Variants in PLPPR1 observed in about 807,000 individuals in gnomAD.
The protein encoded by PLPPR1 is phospholipid phosphatase related 1, also known as phospholipid phosphatase-related protein type 1.
A neutral mutation model predicts 33.1 loss-of-function variants in PLPPR1; 10 were observed. That is an observed-to-expected ratio of 0.30 (90% CI 0.19 to 0.51). The LOEUF is 0.51. Among genes scored for constraint, PLPPR1 ranks in the 20% least tolerant of loss-of-function variants. The pLI is 0.97. For synonymous variants in PLPPR1, 151 were observed against 151.0 expected, an observed-to-expected ratio of 1.00 and a Z score of 0.00; for missense variants, 304 against 408.1, an observed-to-expected ratio of 0.74 and a Z score of 2.20.
In PLPPR1 at chr9:101,138,724, A is replaced by G. The variant is rs116229342; in HGVS notation, c.-45-46726A>G. ...ATCTGTTGCCTGATTTAATGCTCAC[A>G]AAGTGCCTGTGAAGCAGGAATTATC... On this transcript the variant is annotated intron_variant, in intron 1 of 7. Transcript: ENST00000374874. Among the ~76,000 whole-genome samples, 402 of 152,324 alleles carry G rather than the reference A, an allele frequency of 2.6e-3. 2 individuals carry two copies. The highest frequency in any genetic ancestry group is 9.4e-3 in the African/African-American group (392 of 41,590).
intron 4 of PLPPR1, among the ~76,000 whole-genome samples, chr9:101,299,729 C>G (rs949166588): frequency 1.3e-4 from 20 of 152,206 alleles, no homozygotes; most frequent in African/African-American, 4.6e-4. Context: ...AATGCAAATT[C>G]ATGACACTAC....
At position 101,324,091 on chromosome 9, in the gene PLPPR1, T is replaced by G. The variant is rs750315431; in HGVS notation, c.*34T>G. 178 of 1,588,212 alleles carry G rather than the reference T, an allele frequency of 1.1e-4. 2 individuals carry two copies. In the South Asian group the frequency reaches 1.8e-3, roughly 16 times the overall value. On this transcript the variant is annotated 3_prime_UTR_variant, in exon 8 of 8. Coordinates refer to ENST00000374874, the MANE Select transcript of PLPPR1 (RefSeq NM_207299.2). The stretch of plus-strand genomic sequence containing the variant: ...ATGTGTCACAAGCTGTTTTTTAAAA[T>G]CATCTTCCAATTCTATACTTCAAAA...
At chr9:101,277,072 G>C (rs1245431043) in intron 3 of PLPPR1, among the ~76,000 whole-genome samples, 1 of 152,120 alleles carries the variant, frequency 6.6e-6, no homozygotes, top group East Asian at 1.9e-4. Flanking sequence ...TGGCAGTTAG[G>C]GCTAGCAGCA....
chr9:101,208,934 T>A (rs1826636081), intron 2 of PLPPR1, among the ~76,000 whole-genome samples: 2 of 152,192 alleles, frequency 1.3e-5, no homozygotes, highest in Admixed American at 1.3e-4. Flanking sequence ...CTCATTCACT[T>A]ACTGTCATTT....
intron 7 of PLPPR1, among the ~76,000 whole-genome samples, chr9:101,323,117 G>A (rs1829185957): frequency 6.6e-6 from 1 of 152,160 alleles, no homozygotes; most frequent in Non-Finnish European, 1.5e-5. Flanking sequence ...TTAAAAATGT[G>A]CGGGATGCTA....
At chr9:101,155,838 G>A (rs536700118) in intron 1 of PLPPR1, among the ~76,000 whole-genome samples, 47 of 152,290 alleles carry the variant, frequency 3.1e-4, no homozygotes, top group African/African-American at 1.1e-3. Flanking sequence ...GACCTCAAGT[G>A]ATCTGCCTGC....
chr9:101,296,374 T>A (rs1185059875), intron 4 of PLPPR1, among the ~76,000 whole-genome samples: 1 of 151,572 alleles, frequency 6.6e-6, no homozygotes, highest in African/African-American at 2.4e-5. Context: ...GTTCAACCAT[T>A]GTGGAAGTCA....
At chr9:101,214,403 T>C (rs1346363841) in intron 2 of PLPPR1, among the ~76,000 whole-genome samples, 1 of 152,212 alleles carries the variant, frequency 6.6e-6, no homozygotes, top group Non-Finnish European at 1.5e-5. Context: ...ATGTGATAGG[T>C]GTGTAGATAT....
chr9:101,170,533 G>T (rs533914199), intron 1 of PLPPR1, among the ~76,000 whole-genome samples: 1 of 152,296 alleles, frequency 6.6e-6, no homozygotes, highest in South Asian at 2.1e-4. Context: ...TTCAAGATGA[G>T]ATCTGAGTGG....
At chr9:101,178,396 T>C (rs560828665) in intron 1 of PLPPR1, among the ~76,000 whole-genome samples, 1 of 152,340 alleles carries the variant, frequency 6.6e-6, no homozygotes, top group South Asian at 2.1e-4. Flanking sequence ...TCTTCCATCA[T>C]GGAAAGAGCA....
intron 7 of PLPPR1, 95 bp from the exon 8 acceptor site, chr9:101,323,930 G>A: frequency 9.7e-7 from 1 of 1,033,056 alleles, no homozygotes; most frequent in Non-Finnish European, 1.5e-6. Context: ...GTGTACCCTT[G>A]AGGAGACAAA....
chr9:101,296,961 A>T (rs1350010684), intron 4 of PLPPR1, among the ~76,000 whole-genome samples: 2 of 152,146 alleles, frequency 1.3e-5, no homozygotes, highest in East Asian at 3.8e-4. Flanking sequence ...ATAAAATAAA[A>T]TTTAAAAAAA....
chr9:101,167,335 T>C (rs977843998), intron 1 of PLPPR1, among the ~76,000 whole-genome samples: 9 of 150,726 alleles, frequency 6.0e-5, no homozygotes, highest in Admixed American at 5.3e-4. Flanking sequence ...AACAACAGTA[T>C]CACAGCCTCC....
At chr9:101,102,809 T>G in intron 1 of PLPPR1, among the ~76,000 whole-genome samples, 1 of 108,050 alleles carries the variant, frequency 9.3e-6, no homozygotes, top group Non-Finnish European at 1.8e-5. Context: ...CAGCACCTGT[T>G]GTTTCCTGAC....
At chr9:101,287,763 A>C (rs1828419916) in intron 4 of PLPPR1, among the ~76,000 whole-genome samples, 1 of 152,060 alleles carries the variant, frequency 6.6e-6, no homozygotes, top group Non-Finnish European at 1.5e-5. Flanking sequence ...AGCCTCCCAA[A>C]GTGCTGGGAT....
chr9:101,066,390 A>G (rs1410300299), intron 1 of PLPPR1, among the ~76,000 whole-genome samples: 1 of 151,794 alleles, frequency 6.6e-6, no homozygotes, highest in Non-Finnish European at 1.5e-5. Context: ...ACCCCCTTCC[A>G]TACTTTGGAA....
At chr9:101,297,546 AT>A (rs749136140) in intron 4 of PLPPR1, among the ~76,000 whole-genome samples, 1 of 152,196 alleles carries the variant, frequency 6.6e-6, no homozygotes, top group Non-Finnish European at 1.5e-5. Flanking sequence ...CCAACAATAC[AT>A]TTTTCCCCCC....
chr9:101,281,163 C>G (rs1426067157), intron 3 of PLPPR1, among the ~76,000 whole-genome samples: 1 of 150,672 alleles, frequency 6.6e-6, no homozygotes, highest in Non-Finnish European at 1.5e-5. Context: ...AGAAAATAAT[C>G]CCATTTACAA....
rs1049977663 is a variant in PLPPR1 at position 101,237,454 on chromosome 9, T to C, written c.64-32426T>C. On this transcript the variant is annotated intron_variant, in intron 2 of 7. Transcript: ENST00000374874. ...CATCAACTGATTGAATAAAGAAAGGTCGTGTGTGTGTGTGTGTGTGTATAG... is the reference window on the plus strand; with the variant it reads ...CATCAACTGATTGAATAAAGAAAGGCCGTGTGTGTGTGTGTGTGTGTATAG... Among the ~76,000 whole-genome samples the C allele has an allele frequency of 1.4e-4, 18 of 130,520 alleles. 1 individual carries two copies. The highest frequency in any genetic ancestry group is 1.2e-3 in the Admixed American group (17 of 14,352). The allele number at this position is 130,520 out of a possible 152,430, so 85.6% of individuals were successfully genotyped here. A position where few individuals can be genotyped will look rare whatever the true frequency, so the allele number is the denominator to read the frequency against.
Sources: gnomAD v4.1 joint callset for allele counts (sites outside exome capture counted in the v4.1 genomes callset) on GRCh38, gnomAD v4.1.1 for gene constraint, MANE v1.5 for transcripts, NCBI Gene and HGNC (gene_info 2026-07-23, HGNC 2026-07-21) for gene names.